The following FNDC3B variants were observed in gnomAD, a reference collection of about 807,000 sequenced individuals.
FNDC3B encodes the protein fibronectin type III domain-containing protein 3B.
A neutral mutation model predicts 151.5 loss-of-function variants in FNDC3B; 12 were observed. The observed-to-expected ratio is 0.08, with a 90% CI of 0.05 to 0.13. FNDC3B has a LOEUF of 0.13. FNDC3B is among the 10% of genes least tolerant of loss of function. The pLI is 1.00. For synonymous variants in FNDC3B, 528 were observed against 549.0 expected (o/e 0.96, Z 0.54); for missense variants, 1,214 against 1,505.3 (o/e 0.81, Z 3.20).
chr3:172,394,320 A>G (rs1736172273), intron 25 of FNDC3B, among the ~76,000 whole-genome samples: 1 of 151,948 alleles, frequency 6.6e-6, no homozygotes, highest in African/African-American at 2.4e-5. Flanking sequence ...AGACTAGAAA[A>G]ACAGTACAAA....
At chr3:172,053,016 G>T (rs1266630047) in intron 1 of FNDC3B, among the ~76,000 whole-genome samples, 1 of 152,110 alleles carries the variant, frequency 6.6e-6, no homozygotes, top group Non-Finnish European at 1.5e-5. Context: ...CAGTAATAGT[G>T]GCCAACAATT....
intron 3 of FNDC3B, among the ~76,000 whole-genome samples, chr3:172,192,437 G>A (rs1370669935): frequency 5.9e-5 from 9 of 151,586 alleles, no homozygotes; most frequent in East Asian, 5.8e-4. Context: ...CGCCCGCCTC[G>A]GCCTCCCAAA....
chr3:172,174,937 C>G (rs1355153656), intron 3 of FNDC3B, among the ~76,000 whole-genome samples: 3 of 55,532 alleles, frequency 5.4e-5, no homozygotes, highest in Admixed American at 3.0e-4. Flanking sequence ...CCCGCCACCC[C>G]CCCCCCCCCA....
intron 23 of FNDC3B, among the ~76,000 whole-genome samples, chr3:172,377,775 T>C (rs1735230430): frequency 6.6e-6 from 1 of 152,232 alleles, no homozygotes; most frequent in South Asian, 2.1e-4. Context: ...AATGGGGCTT[T>C]GAAAGCTCTT....
At chr3:172,367,266 C>T (rs911379103) in intron 23 of FNDC3B, among the ~76,000 whole-genome samples, 4 of 74,826 alleles carry the variant, frequency 5.3e-5, no homozygotes, top group Admixed American at 5.3e-4. Context: ...TATGATCATT[C>T]AATCATCGAT....
At chr3:172,383,197 T>C (rs1278398089) in intron 25 of FNDC3B, among the ~76,000 whole-genome samples, 1 of 152,216 alleles carries the variant, frequency 6.6e-6, no homozygotes, top group East Asian at 1.9e-4. Flanking sequence ...CCCTTGTAAG[T>C]TGTATTCCTA....
At chr3:172,130,498 G>A (rs963776819) in intron 2 of FNDC3B, among the ~76,000 whole-genome samples, 1 of 152,054 alleles carries the variant, frequency 6.6e-6, no homozygotes, top group African/African-American at 2.4e-5. Context: ...GAAGTGGGAT[G>A]GGGGTCAGGA....
chr3:172,205,129 T>G (rs796822432), intron 3 of FNDC3B, among the ~76,000 whole-genome samples: 27 of 152,346 alleles, frequency 1.8e-4, no homozygotes, highest in African/African-American at 6.3e-4. Flanking sequence ...AAATGATTTT[T>G]TTGGCATATA....
intron 6 of FNDC3B, among the ~76,000 whole-genome samples, chr3:172,270,931 C>T (rs1416202603): frequency 6.6e-6 from 1 of 152,180 alleles, no homozygotes; most frequent in Non-Finnish European, 1.5e-5. Context: ...CAGCATGTAG[C>T]ACAGTCAGTA....
chr3:172,235,594 G>GGGGTCAGA (rs1233766636), intron 4 of FNDC3B, among the ~76,000 whole-genome samples: 2 of 152,182 alleles, frequency 1.3e-5, no homozygotes, highest in Non-Finnish European at 1.5e-5. Context: ...AGAAAGAGCA[G>GGGGTCAGA]GGGTCAGAGT....
At chr3:172,330,504 T>G in intron 12 of FNDC3B, 37 bp from the exon 13 acceptor site, 1 of 1,563,784 alleles carries the variant, frequency 6.4e-7, no homozygotes, top group Non-Finnish European at 8.7e-7. Flanking sequence ...CCTCTTCACA[T>G]GCTTCTAACT....
At chr3:172,198,617 G>A (rs1429023791) in intron 3 of FNDC3B, among the ~76,000 whole-genome samples, 3 of 152,154 alleles carry the variant, frequency 2.0e-5, no homozygotes, top group African/African-American at 7.2e-5. Flanking sequence ...CCTGATGTCA[G>A]ACTGCCATCG....
chr3:172,366,117 CT>C, intron 23 of FNDC3B, among the ~76,000 whole-genome samples: 1 of 152,144 alleles, frequency 6.6e-6, no homozygotes, highest in South Asian at 2.1e-4. Context: ...AAAATACTAA[CT>C]TCCCTTAAGA....
intron 23 of FNDC3B, among the ~76,000 whole-genome samples, chr3:172,368,378 C>T (rs1734731336): frequency 6.6e-6 from 1 of 151,990 alleles, no homozygotes; most frequent in Non-Finnish European, 1.5e-5. Context: ...TTTATCAGAC[C>T]ATGTTGCCAA....
intron 1 of FNDC3B, among the ~76,000 whole-genome samples, chr3:172,041,336 G>A (rs995784852): frequency 2.0e-5 from 3 of 151,696 alleles, no homozygotes; most frequent in Non-Finnish European, 2.9e-5. Context: ...CTAAGGGAGA[G>A]GGAATATGCT....
intron 1 of FNDC3B, among the ~76,000 whole-genome samples, chr3:172,055,870 TC>T (rs1158339655): frequency 1.3e-5 from 2 of 151,932 alleles, no homozygotes; most frequent in African/African-American, 4.8e-5. Flanking sequence ...AAGCTCTGCC[TC>T]CAGGGTTCAC....
chr3:172,341,251 GA>G lies in FNDC3B; in HGVS notation c.1971+23del, dbSNP rs1184141279. Reference sequence around the variant, plus strand: ...AGCCAGGTTGGTTTTGTTTCCATATGAAAGTAAACCTCATTGATCAAATTCG... The same window carrying G: ...AGCCAGGTTGGTTTTGTTTCCATATGAAGTAAACCTCATTGATCAAATTCG... On this transcript the variant is annotated intron_variant, in intron 17 of 25. Transcript: ENST00000415807. 3 of 1,539,262 alleles carry G rather than the reference GA, an allele frequency of 1.9e-6. No individual in the cohort carries two copies. The highest frequency in any genetic ancestry group is 2.2e-5 in the East Asian group (1 of 44,582).
chr3:172,228,116 A>G (rs1024295959), intron 4 of FNDC3B, among the ~76,000 whole-genome samples: 4 of 152,028 alleles, frequency 2.6e-5, no homozygotes, highest in African/African-American at 9.7e-5. Context: ...ACTTACTTAC[A>G]TAGCCAGATT....
chr3:172,352,944 C>G lies in FNDC3B; in HGVS notation c.2656C>G (p.Leu886Val). The G allele has an allele frequency of 2.5e-6, 4 of 1,614,202 alleles. No homozygotes were observed. The highest frequency in any genetic ancestry group is 3.4e-6 in the Non-Finnish European group (4 of 1,180,044). ...CTACCCTGATTCACCTTCTGCGTGC[C>G]TTGTACTGAACTGGGAAGAGCCGTG... ...DAYPDSPSAC[L>V]VLNWEEPCNN... The change falls in exon 22 of 26, where the codon CTT becomes GTT. Residue 886 changes from leucine to valine, a missense_variant. Around this residue, in one of 7 missense-constraint regions of FNDC3B, gnomAD observed 380 missense variants for 420.9 expected, o/e 0.90. Coordinates refer to ENST00000415807, the MANE Select transcript of FNDC3B (RefSeq NM_022763.4). This position sits in a 1 kb window ranked among gnomAD's most constrained non-coding sequence, Gnocchi z 4.2.
Sources: gnomAD v4.1 joint callset for allele counts (sites outside exome capture counted in the v4.1 genomes callset) on GRCh38, gnomAD v4.1.1 for gene constraint, gnomAD v4.1.1 regional missense constraint, Gnocchi (gnomAD v3.1) non-coding constraint, MANE v1.5 for transcripts, NCBI Gene and HGNC (gene_info 2026-07-23, HGNC 2026-07-21) for gene names.